Variants in LPO observed in about 807,000 individuals in gnomAD.
LPO encodes lactoperoxidase.
LPO carries 70 observed loss-of-function variants against 68.4 expected under a neutral mutation model. That is an observed-to-expected ratio of 1.02 (90% confidence interval 0.84 to 1.25). The LOEUF (loss-of-function observed/expected upper bound fraction) is 1.25. Among genes scored for constraint, LPO ranks in the 50% most tolerant of loss-of-function variants. The pLI is 0.00. For synonymous variants in LPO, 360 were observed against 357.6 expected, an observed-to-expected ratio of 1.01 and a Z score of -0.08; for missense variants, 873 against 908.4, an observed-to-expected ratio of 0.96 and a Z score of 0.50.
intron 3 of LPO, among the ~76,000 whole-genome samples, chr17:58,245,403 CAG>C (rs910782007): frequency 2.0e-5 from 3 of 152,180 alleles, no homozygotes; most frequent in South Asian, 4.2e-4. Context: ...TTCCTGGTTT[CAG>C]AGAGAGATTC....
At chr17:58,242,868 C>A in intron 1 of LPO, 110 bp from the exon 2 acceptor site, 2 of 832,360 alleles carry the variant, frequency 2.4e-6, no homozygotes, top group South Asian at 1.5e-5. Flanking sequence ...CTTTCCTGTT[C>A]CAATATTAGG....
chr17:58,252,538 G>A lies in LPO; in HGVS notation c.1105+32G>A, dbSNP rs1969982109. 4 of 1,586,602 alleles carry A rather than the reference G, an allele frequency of 2.5e-6. No homozygotes were observed. The South Asian group carries it at 4.5e-5, about 18-fold the overall frequency. On this transcript the variant is annotated intron_variant, in intron 8 of 12. Coordinates refer to ENST00000262290, the MANE Select transcript of LPO (RefSeq NM_006151.3). ...CTAGCCTGGGAACAGAAGGGCCCAA[G>A]GACAAGGGGATTATCCAGGGAAGCT...
chr17:58,248,534 G>A (rs983965338), intron 4 of LPO, among the ~76,000 whole-genome samples: 16 of 152,056 alleles, frequency 1.1e-4, no homozygotes, highest in Admixed American at 1.3e-4. Flanking sequence ...ACACTCTGAT[G>A]CCTAAAGCCC....
intron 3 of LPO, among the ~76,000 whole-genome samples, chr17:58,246,223 G>T (rs1204436106): frequency 6.6e-6 from 1 of 152,146 alleles, no homozygotes; most frequent in African/African-American, 2.4e-5. Flanking sequence ...GGAAAAGGAA[G>T]GCCAGTGGAG....
intron 8 of LPO, among the ~76,000 whole-genome samples, chr17:58,253,279 G>A (rs1186027534): frequency 6.6e-6 from 1 of 151,922 alleles, no homozygotes; most frequent in Non-Finnish European, 1.5e-5. Context: ...ATTTTTAATG[G>A]CTGCCTGGTA....
In LPO at chr17:58,253,050, A is replaced by G. The variant is rs1187227588; in HGVS notation, c.1105+544A>G. On this transcript the variant is annotated intron_variant, in intron 8 of 12. Coordinates refer to ENST00000262290, the MANE Select transcript of LPO (RefSeq NM_006151.3). ...AAAAAAAAAAAAAAAAAAAAAAAAG[A>G]AAGAAAGAAAGAAAAGAAAAGAAAA... 2.0e-5 allele frequency among the ~76,000 whole-genome samples: 3 copies of G among 146,690 alleles called. No homozygotes were observed. The East Asian group carries it at 6.0e-4, about 29-fold the overall frequency.
intron 6 of LPO, 22 bp downstream of exon 6, chr17:58,249,717 G>T (rs1490879407): frequency 6.5e-7 from 1 of 1,545,628 alleles, no homozygotes; most frequent in East Asian, 2.4e-5. Context: ...CCGGGCCGGG[G>T]TGAAGGATGG....
intron 1 of LPO, 48 bp from the exon 2 acceptor site, chr17:58,242,930 A>G: frequency 6.5e-7 from 1 of 1,541,412 alleles, no homozygotes; most frequent in Non-Finnish European, 9.0e-7. Context: ...AAACCCTCCC[A>G]CTTGGTCTCT....
At position 58,264,891 on chromosome 17, in the gene LPO, A is replaced by T; in HGVS notation, c.1436A>T (p.Asp479Val). 6.2e-7 allele frequency: 1 copy of T among 1,614,144 alleles called. No individual in the cohort carries two copies. The highest frequency in any genetic ancestry group is 8.5e-7 in the Non-Finnish European group (1 of 1,180,030). ...LEVPSSMFRL[D>V]ENYQPWGPEP... ...GTCCCCTCTAGTATGTTCCGCCTGG[A>T]TGAGAATTATCAGCCATGGGGGCCA... The change falls in exon 10 of 13, where the codon GAT (aspartate) becomes GTT (valine). Residue 479 changes from aspartate (D) to valine (V), a missense_variant. By Grantham distance (152) the Asp-to-Val change is radical. Coordinates refer to ENST00000262290, the MANE Select transcript of LPO (RefSeq NM_006151.3).
intron 3 of LPO, 46 bp downstream of exon 3, chr17:58,244,127 A>ACACC: frequency 7.8e-7 from 1 of 1,284,082 alleles, no homozygotes; most frequent in South Asian, 1.3e-5. Context: ...ACACACACAC[A>ACACC]CACACTTCCC....
intron 9 of LPO, among the ~76,000 whole-genome samples, chr17:58,260,438 G>A (rs575730899): frequency 7.2e-4 from 109 of 152,168 alleles, no homozygotes; most frequent in Middle Eastern, 6.8e-3. Flanking sequence ...TATTAAATGC[G>A]CATGGTAAGA....
At chr17:58,263,505 G>A (rs920212292) in intron 9 of LPO, among the ~76,000 whole-genome samples, 3 of 152,170 alleles carry the variant, frequency 2.0e-5, no homozygotes, top group Non-Finnish European at 4.4e-5. Flanking sequence ...TTGGGAGGCC[G>A]AGGCGGGTGG....
At chr17:58,257,837 G>T (rs1053758681) in intron 9 of LPO, among the ~76,000 whole-genome samples, 2 of 152,176 alleles carry the variant, frequency 1.3e-5, no homozygotes, top group Admixed American at 6.5e-5. Context: ...TTTAACTGGG[G>T]TGACATAATA....
intron 2 of LPO, 64 bp from the exon 3 acceptor site, chr17:58,243,929 GC>G: frequency 9.4e-7 from 1 of 1,065,848 alleles, no homozygotes; most frequent in Non-Finnish European, 1.5e-6. Flanking sequence ...GGAGACAAAA[GC>G]AGAAGACATC....
At position 58,267,547 on chromosome 17, in the gene LPO, T is replaced by C. The variant is rs770544945; in HGVS notation, c.1892T>C (p.Leu631Pro). The C allele has an allele frequency of 6.2e-7, 1 of 1,613,316 alleles. No homozygotes were observed. The highest frequency in any genetic ancestry group is 2.2e-5 in the East Asian group (1 of 44,864). Residue 631 changes from leucine (L) to proline (P), a missense_variant, in exon 12 of 13, where the codon CTC becomes CCC. By Grantham distance (98) the Leu-to-Pro change is moderately conservative. Transcript: ENST00000262290. ...RGRVGPLLACLLGKQFQQIRD... is the reference protein window; with the variant it reads ...RGRVGPLLACPLGKQFQQIRD... ...CGGGTGGGGCCTCTCCTGGCCTGCC[T>C]CTTGGGCAAGCAGTTCCAGCAGATC...
chr17:58,248,972 G>A lies in LPO; in HGVS notation c.326-88G>A. The A allele has an allele frequency of 5.2e-6, 5 of 964,104 alleles. No individual in the cohort carries two copies. In the South Asian group the frequency reaches 6.4e-5, roughly 12 times the overall value. The allele number at this position is 964,104 out of a possible 1,614,324, so 59.7% of individuals were successfully genotyped here. ...ATGGAATGCATTCCAAAACATGCAG[G>A]TTCACCTCTGGTCTCCATTTCCTGC... On this transcript the variant is annotated intron_variant, in intron 4 of 12. Coordinates refer to ENST00000262290, the MANE Select transcript of LPO (RefSeq NM_006151.3).
intron 10 of LPO, 148 bp downstream of exon 10, chr17:58,265,122 A>T: frequency 9.5e-7 from 1 of 1,054,636 alleles, no homozygotes. Context: ...TTCCTCATTT[A>T]TAAAATGGGG....
At position 58,267,585 on chromosome 17, in the gene LPO, A is replaced by C; in HGVS notation, c.1930A>C (p.Arg644=). ...GTTCCAGCAGATCCGTGATGGAGACAGGCAAGTGCGTCCTCAGCCAGGGAG... is the reference window on the plus strand; with the variant it reads ...GTTCCAGCAGATCCGTGATGGAGACCGGCAAGTGCGTCCTCAGCCAGGGAG... ...KQFQQIRDGD[R]FWWENPGVFT... Residue 644 remains arginine (R), a splice_region_variant and synonymous_variant, in exon 12 of 13, where the codon AGG becomes CGG. Transcript: ENST00000262290. 3 of 1,604,538 alleles carry C rather than the reference A, an allele frequency of 1.9e-6. No individual in the cohort carries two copies. The highest frequency in any genetic ancestry group is 2.6e-6 in the Non-Finnish European group (3 of 1,173,658).
chr17:58,268,043 A>G lies in LPO; in HGVS notation c.*49A>G. 1 of 1,579,808 alleles carries G rather than the reference A, an allele frequency of 6.3e-7. No homozygotes were observed. The highest frequency in any genetic ancestry group is 1.3e-5 in the African/African-American group (1 of 74,174). ...TCCCTTTGGTCCACAGGGCCATTTC[A>G]AGCAAGTTCAATGACCTGGTCCCTT... On this transcript the variant is annotated 3_prime_UTR_variant, in exon 13 of 13. Transcript: ENST00000262290.
Sources: allele counts gnomAD v4.1 joint callset (sites outside exome capture counted in the v4.1 genomes callset), GRCh38; gene constraint gnomAD v4.1.1; transcripts MANE v1.5; gene names NCBI Gene and HGNC (gene_info 2026-07-23, HGNC 2026-07-21).